CLVS1: variants seen among roughly 807,000 people sequenced by gnomAD.
CLVS1 encodes clavesin-1.
CLVS1 carries 10 observed loss-of-function variants against 33.1 expected under a neutral mutation model. That is an observed-to-expected ratio of 0.30 (90% CI 0.19 to 0.51). The LOEUF is 0.51. Ranked by LOEUF, CLVS1 falls within the 20% of genes least tolerant of loss-of-function variation. The pLI is 0.97. For missense variants in CLVS1, 343 were observed against 433.4 expected (o/e 0.79, Z 1.85); for synonymous variants, 163 against 166.1 (o/e 0.98, Z 0.14).
intron 2 of CLVS1, among the ~76,000 whole-genome samples, chr8:61,303,466 G>A (rs1041138660): frequency 3.3e-5 from 5 of 152,156 alleles, no homozygotes; most frequent in Non-Finnish European, 7.4e-5. Context: ...CCTATGGATG[G>A]GAAGGGACTT....
intron 2 of CLVS1, among the ~76,000 whole-genome samples, chr8:61,357,494 CT>C (rs1167743712): frequency 0.018 from 469 of 25,796 alleles, 14 homozygotes; most frequent in African/African-American, 0.04. Context: ...TTTTTCTTTT[CT>C]TTTTTTTTTT....
At chr8:61,200,211 T>C (rs773046324) in intron 2 of CLVS1, among the ~76,000 whole-genome samples, 1 of 152,164 alleles carries the variant, frequency 6.6e-6, no homozygotes, top group Non-Finnish European at 1.5e-5. Context: ...CTCCATCTCC[T>C]GAGTTCAAGC....
chr8:61,486,948 T>C (rs1586047664), intron 5 of CLVS1, among the ~76,000 whole-genome samples: 2 of 152,226 alleles, frequency 1.3e-5, no homozygotes, highest in Non-Finnish European at 2.9e-5. Context: ...GAAATATTTG[T>C]TGATTTGATT....
rs28605529 is a variant in CLVS1, at chr8:61,300,361, A to G, written c.455+79A>G. 4.9e-3 allele frequency: 5,927 copies of G among 1,205,232 alleles called. 223 individuals are homozygous for G. The African/African-American group carries it at 0.079, about 16-fold the overall frequency. The allele number at this position is 1,205,232 out of a possible 1,614,324, so 74.7% of individuals were successfully genotyped here. A position where few individuals can be genotyped will look rare whatever the true frequency, so the allele number is the denominator to read the frequency against. ...TGCATGTTTGGGGTTGTATGGCTTTATATGTAATGGGCTTTCATTAAAAAA... is the reference window on the plus strand; with the variant it reads ...TGCATGTTTGGGGTTGTATGGCTTTGTATGTAATGGGCTTTCATTAAAAAA... On this transcript the variant is annotated intron_variant, in intron 2 of 5. Coordinates refer to ENST00000325897, the MANE Select transcript of CLVS1 (RefSeq NM_173519.3).
chr8:61,121,407 ACT>A (rs1289798811), intron 1 of CLVS1, among the ~76,000 whole-genome samples: 1 of 149,906 alleles, frequency 6.7e-6, no homozygotes, highest in Non-Finnish European at 1.5e-5. Flanking sequence ...TTCACCGGCA[ACT>A]CTTATTTTTT....
chr8:61,040,323 C>A, the CLVS1 span, among the ~76,000 whole-genome samples: 1 of 151,936 alleles, frequency 6.6e-6, no homozygotes, highest in Non-Finnish European at 1.5e-5. Flanking sequence ...ATGTGTAGAA[C>A]AATTTATTTT....
At chr8:61,475,965 AT>A (rs1482128818) in intron 5 of CLVS1, among the ~76,000 whole-genome samples, 2 of 152,138 alleles carry the variant, frequency 1.3e-5, no homozygotes, top group East Asian at 3.8e-4. Flanking sequence ...TCTTGAATTA[AT>A]TTTTGTATAA....
chr8:61,336,877 A>C (rs537460077), intron 2 of CLVS1, among the ~76,000 whole-genome samples: 2 of 152,214 alleles, frequency 1.3e-5, no homozygotes, highest in Non-Finnish European at 2.9e-5. Context: ...AGGAAAAAAT[A>C]AAACAAACAA....
chr8:61,475,059 T>C (rs1045964284), intron 5 of CLVS1, among the ~76,000 whole-genome samples: 1 of 152,224 alleles, frequency 6.6e-6, no homozygotes, highest in African/African-American at 2.4e-5. Context: ...TGGTTTTTTG[T>C]CCTTGTGATA....
the CLVS1 span, among the ~76,000 whole-genome samples, chr8:61,043,765 T>A: frequency 6.6e-6 from 1 of 152,172 alleles, no homozygotes; most frequent in Non-Finnish European, 1.5e-5. Context: ...TGATAGGTAC[T>A]CTAGATGCCT....
the CLVS1 span, among the ~76,000 whole-genome samples, chr8:60,997,569 G>A: frequency 2.0e-5 from 3 of 152,204 alleles, no homozygotes; most frequent in African/African-American, 7.2e-5. Context: ...AATAGGGGGA[G>A]GGTGGCTGAC....
At chr8:61,118,836 A>T (rs1278754672) in intron 1 of CLVS1, among the ~76,000 whole-genome samples, 2 of 152,162 alleles carry the variant, frequency 1.3e-5, no homozygotes, top group Non-Finnish European at 2.9e-5. Flanking sequence ...TGCTGAAAAA[A>T]ATGTATATTC....
chr8:61,024,065 A>G, the CLVS1 span, among the ~76,000 whole-genome samples: 2 of 152,176 alleles, frequency 1.3e-5, no homozygotes, highest in East Asian at 3.8e-4. Flanking sequence ...GCTCTCGCAC[A>G]TTCCTGTTAG....
chr8:61,250,883 T>C (rs1438630032), intron 2 of CLVS1, among the ~76,000 whole-genome samples: 1 of 152,228 alleles, frequency 6.6e-6, no homozygotes, highest in East Asian at 1.9e-4. Flanking sequence ...TGTCTTCCTC[T>C]CTTCCTGTTT....
the CLVS1 span, among the ~76,000 whole-genome samples, chr8:61,009,234 G>A: frequency 1.6e-3 from 237 of 149,504 alleles, no homozygotes; most frequent in African/African-American, 5.6e-3. Context: ...GCAGTGCCTC[G>A]CCCTCCCAGG....
intron 2 of CLVS1, among the ~76,000 whole-genome samples, chr8:61,260,832 AG>A (rs1488926373): frequency 2.0e-5 from 3 of 152,210 alleles, no homozygotes; most frequent in East Asian, 3.9e-4. Context: ...AAGTGAGTCA[AG>A]GGGGAGTAGA....
At chr8:61,481,681 G>T (rs34577304) in intron 5 of CLVS1, among the ~76,000 whole-genome samples, 12 of 152,122 alleles carry the variant, frequency 7.9e-5, no homozygotes, top group East Asian at 3.9e-4. Flanking sequence ...GGCTTGAGTA[G>T]GTAAACAAAG....
rs561402776 is a variant in CLVS1, at chr8:61,468,999, GTC to G, written c.977+10459_977+10460del. 8.6e-4 allele frequency among the ~76,000 whole-genome samples: 131 copies of G among 152,300 alleles called. 1 individual carries two copies. The highest frequency in any genetic ancestry group is 3.1e-3 in the African/African-American group (129 of 41,566). On this transcript the variant is annotated intron_variant, in intron 5 of 5. Coordinates refer to ENST00000325897, the MANE Select transcript of CLVS1 (RefSeq NM_173519.3). ...GCAGCACAGCCACCCAGGCCAAACA[GTC>G]TGAGGAAAAGCAGAGGTGGAGTGAC... is the stretch of plus-strand genomic sequence containing the variant.
At chr8:61,353,105 A>C (rs1009768919) in intron 2 of CLVS1, among the ~76,000 whole-genome samples, 55 of 152,098 alleles carry the variant, frequency 3.6e-4, no homozygotes, top group African/African-American at 1.3e-3. Flanking sequence ...AGTAGATAAA[A>C]CTGCAATTAT....
Sources: gnomAD v4.1 joint callset for allele counts (sites outside exome capture counted in the v4.1 genomes callset) on GRCh38, gnomAD v4.1.1 for gene constraint, MANE v1.5 for transcripts, NCBI Gene and HGNC (gene_info 2026-07-23, HGNC 2026-07-21) for gene names.